Variants in DNAH7 observed in about 807,000 individuals in gnomAD.
DNAH7 encodes the protein dynein axonemal heavy chain 7.
In DNAH7, 397 loss-of-function variants were observed where a neutral mutation model predicts 444.6. The ratio of observed to expected loss-of-function variants is 0.89; its 90% CI spans 0.82 to 0.97. The LOEUF is 0.97. Ranked by LOEUF, DNAH7 falls within the 50% of genes least tolerant of loss-of-function variation. DNAH7 has a pLI of 0.00. For synonymous variants in DNAH7, 1,636 were observed against 1,624.4 expected, an observed-to-expected ratio of 1.01 and a Z score of -0.17; for missense variants, 4,902 against 4,800.8, an observed-to-expected ratio of 1.02 and a Z score of -0.62.
At chr2:195,947,334 T>C (rs1689884453) in intron 19 of DNAH7, among the ~76,000 whole-genome samples, 1 of 151,970 alleles carries the variant, frequency 6.6e-6, no homozygotes, top group African/African-American at 2.4e-5. Context: ...GGGATACATG[T>C]GCAGAACGTG....
chr2:195,988,264 T>A (rs763359388), intron 12 of DNAH7, 35 bp from the exon 13 acceptor site: 1 of 1,485,742 alleles, frequency 6.7e-7, no homozygotes, highest in Non-Finnish European at 9.0e-7. Flanking sequence ...GTATTTAAAA[T>A]ATCTTAAAGT....
intron 61 of DNAH7, among the ~76,000 whole-genome samples, chr2:195,760,528 A>G (rs553098650): frequency 6.6e-6 from 1 of 152,202 alleles, no homozygotes; most frequent in South Asian, 2.1e-4. Flanking sequence ...TGGTGGCCAT[A>G]TGGGTGTTTT....
intron 35 of DNAH7, among the ~76,000 whole-genome samples, chr2:195,882,991 C>G (rs1230642384): frequency 6.6e-6 from 1 of 152,098 alleles, no homozygotes; most frequent in African/African-American, 2.4e-5. Context: ...GTGCGTACAG[C>G]AGAGAATTTT....
At chr2:196,023,780 CAT>C (rs757207062) in intron 8 of DNAH7, among the ~76,000 whole-genome samples, 3 of 152,214 alleles carry the variant, frequency 2.0e-5, no homozygotes, top group Non-Finnish European at 2.9e-5. Flanking sequence ...TGGCTTTCAA[CAT>C]GTCTTCCTCA....
chr2:196,009,677 CT>C (rs1302612733), intron 10 of DNAH7, among the ~76,000 whole-genome samples: 1 of 152,090 alleles, frequency 6.6e-6, no homozygotes, highest in Non-Finnish European at 1.5e-5. Flanking sequence ...TAACATCAAG[CT>C]AAAAAGCTTT....
At chr2:195,988,272 AG>A in intron 12 of DNAH7, 43 bp from the exon 13 acceptor site, 1 of 1,454,812 alleles carries the variant, frequency 6.9e-7, no homozygotes, top group Non-Finnish European at 9.2e-7. Flanking sequence ...AATATCTTAA[AG>A]TAACTATATC....
chr2:195,838,827 C>T (rs1698522888), intron 47 of DNAH7, among the ~76,000 whole-genome samples: 1 of 151,814 alleles, frequency 6.6e-6, no homozygotes, highest in Admixed American at 6.6e-5. Flanking sequence ...AACAAGAAAA[C>T]CATCAAGGAT....
intron 2 of DNAH7, among the ~76,000 whole-genome samples, chr2:196,055,283 T>TA (rs1439392594): frequency 1.3e-5 from 2 of 151,790 alleles, no homozygotes; most frequent in Non-Finnish European, 2.9e-5. Flanking sequence ...GTAGAGGCTA[T>TA]AGTGAGCCAT....
At chr2:195,976,779 GAGAGA>G (rs1559295040) in intron 15 of DNAH7, among the ~76,000 whole-genome samples, 55 of 148,808 alleles carry the variant, frequency 3.7e-4, no homozygotes, top group African/African-American at 1.3e-3. Flanking sequence ...GAGAGAGAGA[GAGAGA>G]GAGACTCTCT....
chr2:196,068,148 T>G (rs542806862), intron 1 of DNAH7, among the ~76,000 whole-genome samples: 1 of 152,240 alleles, frequency 6.6e-6, no homozygotes, highest in Non-Finnish European at 1.5e-5. Context: ...ATATGTCACT[T>G]ACCAAGGCCT....
At chr2:195,872,664 A>C (rs912659961) in intron 39 of DNAH7, among the ~76,000 whole-genome samples, 195 bp from the exon 40 acceptor site, 19 of 152,138 alleles carry the variant, frequency 1.2e-4, no homozygotes, top group African/African-American at 4.3e-4. Context: ...TCCATGTACT[A>C]TTTTATGTTA....
In DNAH7 at chr2:195,796,657, A is replaced by G; in HGVS notation, c.10434T>C (p.Ala3478=). 6.2e-7 allele frequency: 1 copy of G among 1,614,188 alleles called. No homozygotes were observed. The highest frequency in any genetic ancestry group is 8.5e-7 in the Non-Finnish European group (1 of 1,180,012). Residue 3478 remains alanine, a synonymous_variant, in exon 56 of 65, where the codon GCT becomes GCC. Coordinates refer to ENST00000312428, the MANE Select transcript of DNAH7 (RefSeq NM_018897.3). The part of the protein sequence containing the change: ...GPIAMKMLEK[A]VKEGTWVVLQ... ...GAACAACCCATGTTCCTTCCTTGAC[A>G]GCTTTTTCTAACATCTTCATAGCAA... is the stretch of plus-strand genomic sequence containing the variant.
At chr2:195,849,098 A>G (rs1699191561) in intron 46 of DNAH7, among the ~76,000 whole-genome samples, 1 of 152,138 alleles carries the variant, frequency 6.6e-6, no homozygotes, top group Admixed American at 6.5e-5. Flanking sequence ...TTATGTCAGC[A>G]TAGATTCATC....
intron 47 of DNAH7, among the ~76,000 whole-genome samples, chr2:195,842,350 TC>T (rs2124996825): frequency 6.6e-6 from 1 of 152,186 alleles, no homozygotes; most frequent in Admixed American, 6.5e-5. Flanking sequence ...AATAATCGTC[TC>T]CTCACTCAGC....
At chr2:196,023,855 G>A (rs747466964) in intron 8 of DNAH7, among the ~76,000 whole-genome samples, 12 of 152,184 alleles carry the variant, frequency 7.9e-5, no homozygotes, top group Admixed American at 6.5e-5. Flanking sequence ...AGAGGCCACT[G>A]TAGGTTACTT....
At chr2:195,950,359 A>C (rs1690135442) in intron 19 of DNAH7, among the ~76,000 whole-genome samples, 1 of 152,108 alleles carries the variant, frequency 6.6e-6, no homozygotes, top group African/African-American at 2.4e-5. Flanking sequence ...CCAAGAATTT[A>C]TCCATTTCTT....
chr2:195,845,195 A>T, intron 46 of DNAH7, 30 bp from the exon 47 acceptor site: 1 of 1,578,818 alleles, frequency 6.3e-7, no homozygotes, highest in South Asian at 1.2e-5. Context: ...AGATAAAGAA[A>T]TGAGACTGGA....
chr2:195,740,702 A>G, intron 64 of DNAH7, 64 bp downstream of exon 64: 1 of 511,030 alleles, frequency 2.0e-6, no homozygotes, highest in East Asian at 6.6e-5. Context: ...GGTCTATTTT[A>G]TATATAATAT....
chr2:195,958,353 C>T (rs148988324), intron 18 of DNAH7, among the ~76,000 whole-genome samples: 296 of 152,220 alleles, frequency 1.9e-3, no homozygotes, highest in African/African-American at 6.7e-3. Flanking sequence ...TTTCTTTTCT[C>T]CAGCCTACTT....
Sources: gnomAD v4.1 joint callset for allele counts (sites outside exome capture counted in the v4.1 genomes callset) on GRCh38, gnomAD v4.1.1 for gene constraint, MANE v1.5 for transcripts, NCBI Gene and HGNC (gene_info 2026-07-23, HGNC 2026-07-21) for gene names.